The following RB1 variants were observed in gnomAD, a reference collection of about 807,000 sequenced individuals.
RB1 encodes RB transcriptional corepressor 1.
In RB1, 18 loss-of-function variants were observed where a neutral mutation model predicts 135.4. That is an observed-to-expected ratio of 0.13 (90% confidence interval 0.09 to 0.20). The LOEUF (loss-of-function observed/expected upper bound fraction) is 0.20, where lower values mean the gene tolerates loss of function less well. Among genes scored for constraint, RB1 ranks in the 10% least tolerant of loss-of-function variants. The probability of loss-of-function intolerance (pLI) is 1.00; values close to 1 mark genes in which losing one functional copy is unlikely to be tolerated. For synonymous variants in RB1, 365 were observed against 373.2 expected, an observed-to-expected ratio of 0.98 and a Z score of 0.25; for missense variants, 868 against 1,110.0, an observed-to-expected ratio of 0.78 and a Z score of 3.10.
chr13:48,429,585 GAACTAAA>G (rs1949109336), intron 17 of RB1: 1 of 149,808 alleles, frequency 6.7e-6, no homozygotes, highest in Non-Finnish European at 1.5e-5. Context: ...AAACAACTTA[GAACTAAA>G]AAAAAAACAA....
intron 10 of RB1, 93 bp from the exon 11 acceptor site, chr13:48,368,434 T>C: frequency 6.6e-7 from 1 of 1,506,318 alleles, no homozygotes. Flanking sequence ...TATGATTTTA[T>C]GAGACAACAG....
chr13:48,480,143 C>G lies in RB1; in HGVS notation c.*72C>G. The G allele has an allele frequency of 1.5e-6, 2 of 1,318,892 alleles. No individual in the cohort carries two copies. The highest frequency in any genetic ancestry group is 3.5e-5 in the Admixed American group (2 of 57,694). The allele number at this position is 1,318,892 out of a possible 1,614,324, so 81.7% of individuals were successfully genotyped here. On this transcript the variant is annotated 3_prime_UTR_variant, in exon 27 of 27. Coordinates refer to ENST00000267163, the MANE Select transcript of RB1 (RefSeq NM_000321.3). Reference sequence around the variant, plus strand: ...GTCTCTCACAGATGTGACTGTATAACTTTCCCAGGTTCTGTTTATGGCCAC... The same window carrying G: ...GTCTCTCACAGATGTGACTGTATAAGTTTCCCAGGTTCTGTTTATGGCCAC...
intron 2 of RB1, among the ~76,000 whole-genome samples, chr13:48,321,741 A>G (rs1272145026): frequency 6.6e-6 from 1 of 152,114 alleles, no homozygotes; most frequent in Non-Finnish European, 1.5e-5. Context: ...CTGTAATCCC[A>G]GCTACTCTCG....
intron 17 of RB1, among the ~76,000 whole-genome samples, chr13:48,389,223 A>C (rs1293929109): frequency 6.6e-6 from 1 of 151,918 alleles, no homozygotes; most frequent in Non-Finnish European, 1.5e-5. Context: ...GAGAGAGAGA[A>C]CATTACAAAG....
chr13:48,326,570 A>C (rs777868574), intron 2 of RB1, among the ~76,000 whole-genome samples: 2 of 152,154 alleles, frequency 1.3e-5, no homozygotes, highest in Non-Finnish European at 2.9e-5. Context: ...AAATTCAAGT[A>C]TCTTGATATA....
intron 17 of RB1, chr13:48,412,406 G>A (rs1304369581): frequency 6.2e-7 from 1 of 1,613,506 alleles, no homozygotes; most frequent in Admixed American, 1.7e-5. Flanking sequence ...AGCAGTGGGA[G>A]CTGTTAACGC....
At chr13:48,453,478 T>A (rs1949341458) in intron 18 of RB1, among the ~76,000 whole-genome samples, 1 of 152,070 alleles carries the variant, frequency 6.6e-6, no homozygotes, top group African/African-American at 2.4e-5. Flanking sequence ...TTTTTCAGAG[T>A]GTGCAGGTCA....
intron 18 of RB1, among the ~76,000 whole-genome samples, chr13:48,455,608 A>T (rs1165600985): frequency 6.6e-6 from 1 of 152,252 alleles, no homozygotes; most frequent in East Asian, 1.9e-4. Flanking sequence ...AAAGAAAATC[A>T]GAAAGTAGAT....
Position 48,418,556 on chromosome 13 carries a change from C to T in RB1, c.1696-34437C>T, listed in dbSNP as rs116974760. 7.7e-4 allele frequency among the ~76,000 whole-genome samples: 117 copies of T among 152,078 alleles called. No homozygotes were observed. The East Asian group carries it at 0.014, about 18-fold the overall frequency. ...TAACAATATTAACCTTAAAAGTAAA[C>T]GGGCTAAGTGCCACAATTAAAAGAC... On this transcript the variant is annotated intron_variant, in intron 17 of 26. Transcript: ENST00000267163.
chr13:48,311,745 C>T lies in RB1; in HGVS notation c.264+4339C>T, dbSNP rs566579735. ...ATTTTGAGATGGAGTCTTGCTCTGTCACCCAGGCTGGAGTGCGTGGCACGA... is the reference window on the plus strand; with the variant it reads ...ATTTTGAGATGGAGTCTTGCTCTGTTACCCAGGCTGGAGTGCGTGGCACGA... On this transcript the variant is annotated intron_variant, in intron 2 of 26. Transcript: ENST00000267163. Among the ~76,000 whole-genome samples the T allele has an allele frequency of 1.1e-4, 16 of 152,232 alleles. No homozygotes were observed. In the South Asian group the frequency reaches 2.7e-3, roughly 26 times the overall value.
At chr13:48,372,835 T>C (rs961051670) in intron 11 of RB1, among the ~76,000 whole-genome samples, 3 of 152,156 alleles carry the variant, frequency 2.0e-5, no homozygotes, top group Non-Finnish European at 2.9e-5. Flanking sequence ...AATTGTAACA[T>C]TGATATTTAC....
At position 48,305,055 on chromosome 13, in the gene RB1, G is replaced by A. The variant is rs1325493668; in HGVS notation, c.137+1006G>A. Among the ~76,000 whole-genome samples the A allele has an allele frequency of 2.0e-5, 3 of 152,102 alleles. No individual in the cohort carries two copies. In the East Asian group the frequency reaches 5.8e-4, roughly 29 times the overall value. On this transcript the variant is annotated intron_variant, in intron 1 of 26. Coordinates refer to ENST00000267163, the MANE Select transcript of RB1 (RefSeq NM_000321.3). ...CTTTTCTTGATTTTTCTACTTTATG[G>A]TTAAATAGCTATGATTGAAAGAGTG...
At chr13:48,472,444 A>G (rs968974689) in intron 23 of RB1, among the ~76,000 whole-genome samples, 2 of 152,094 alleles carry the variant, frequency 1.3e-5, no homozygotes, top group African/African-American at 2.4e-5. Flanking sequence ...AGCTGCTAAG[A>G]TGCCACGTCA....
intron 6 of RB1, among the ~76,000 whole-genome samples, chr13:48,353,531 C>A (rs535445325): frequency 3.6e-4 from 55 of 152,124 alleles, no homozygotes; most frequent in African/African-American, 5.1e-4. Flanking sequence ...AGAACTAATA[C>A]CAATCCTACT....
At chr13:48,366,369 A>G (rs1475053870) in intron 9 of RB1, among the ~76,000 whole-genome samples, 1 of 152,232 alleles carries the variant, frequency 6.6e-6, no homozygotes, top group Non-Finnish European at 1.5e-5. Context: ...GTAGGACAGG[A>G]ACAATGATTA....
intron 13 of RB1, 125 bp downstream of exon 13, chr13:48,377,159 A>G: frequency 1.0e-6 from 1 of 1,002,720 alleles, no homozygotes; most frequent in Admixed American, 1.9e-5. Flanking sequence ...CAGATACTAT[A>G]TCCCTGCTGC....
intron 17 of RB1, chr13:48,445,365 T>C (rs1171066886): frequency 6.6e-6 from 1 of 152,246 alleles, no homozygotes; most frequent in Non-Finnish European, 1.5e-5. Context: ...GGTTTACTGT[T>C]TCTCTTAGAA....
intron 10 of RB1, 73 bp from the exon 11 acceptor site, chr13:48,368,454 A>G: frequency 6.3e-7 from 1 of 1,587,858 alleles, no homozygotes; most frequent in Non-Finnish European, 8.6e-7. Flanking sequence ...GAAGCATTAT[A>G]CTGCTTTTTT....
intron 17 of RB1, among the ~76,000 whole-genome samples, chr13:48,438,789 G>T (rs1208248696): frequency 6.6e-6 from 1 of 152,028 alleles, no homozygotes; most frequent in Non-Finnish European, 1.5e-5. Context: ...GCTATGTCTG[G>T]CATTCAATAA....
Sources: gnomAD v4.1 joint callset for allele counts (sites outside exome capture counted in the v4.1 genomes callset) on GRCh38, gnomAD v4.1.1 for gene constraint, MANE v1.5 for transcripts, NCBI Gene and HGNC (gene_info 2026-07-23, HGNC 2026-07-21) for gene names.